WDR20: variants seen among roughly 807,000 people sequenced by gnomAD.
WDR20 encodes WD repeat domain 20.
WDR20 carries 3 observed loss-of-function variants against 38.7 expected under a neutral mutation model. The observed-to-expected ratio is 0.08, with a 90% CI of 0.04 to 0.20. WDR20 has a LOEUF of 0.20. WDR20 is among the 10% of genes least tolerant of loss of function. The pLI is 1.00. For missense variants in WDR20, 559 were observed against 727.7 expected, an observed-to-expected ratio of 0.77 and a Z score of 2.67; for synonymous variants, 298 against 285.6, an observed-to-expected ratio of 1.04 and a Z score of -0.44.
At chr14:102,182,104 A>G (rs1419594870) in intron 1 of WDR20, among the ~76,000 whole-genome samples, 4 of 152,338 alleles carry the variant, frequency 2.6e-5, no homozygotes, top group African/African-American at 9.6e-5. Context: ...GAATCTTTAG[A>G]AGACTGTAAA....
downstream of WDR20, among the ~76,000 whole-genome samples, chr14:102,219,392 C>A (rs1007242962): frequency 6.6e-6 from 1 of 152,210 alleles, no homozygotes; most frequent in African/African-American, 2.4e-5. Flanking sequence ...CCCTGCCACC[C>A]GGAGTGCTGT....
At chr14:102,197,652 C>G in intron 2 of WDR20, 1 of 589,020 alleles carries the variant, frequency 1.7e-6, no homozygotes, top group Non-Finnish European at 3.1e-6. Context: ...TTATAAAAGC[C>G]TTTTCATGTC....
intron 2 of WDR20, among the ~76,000 whole-genome samples, chr14:102,203,763 G>T (rs2060963606): frequency 6.6e-6 from 1 of 152,020 alleles, no homozygotes; most frequent in South Asian, 2.1e-4. Context: ...CATTGACATT[G>T]GAGAGAATTC....
At chr14:102,142,519 T>C (rs900461673) in intron 1 of WDR20, among the ~76,000 whole-genome samples, 1 of 152,106 alleles carries the variant, frequency 6.6e-6, no homozygotes, top group Non-Finnish European at 1.5e-5. Flanking sequence ...GGTGGCGTGC[T>C]CATCGTTCAC....
chr14:102,150,829 T>C (rs2055532846), intron 1 of WDR20, among the ~76,000 whole-genome samples: 1 of 152,194 alleles, frequency 6.6e-6, no homozygotes, highest in Non-Finnish European at 1.5e-5. Context: ...ATTCACACAC[T>C]CATTCTAAGA....
At chr14:102,165,891 C>T (rs190049555) in intron 1 of WDR20, among the ~76,000 whole-genome samples, 11 of 152,176 alleles carry the variant, frequency 7.2e-5, no homozygotes, top group East Asian at 3.9e-4. Context: ...CTGCCTGCCT[C>T]GGCCTCCTGA....
downstream of WDR20, chr14:102,213,894 G>GT: frequency 2.0e-6 from 2 of 985,422 alleles, no homozygotes; most frequent in Non-Finnish European, 2.4e-6. Context: ...CACATCATGC[G>GT]TGTCTGACTG....
chr14:102,222,698 G>T lies in WDR20; in HGVS notation c.1693-132G>T. 3.4e-6 allele frequency: 3 copies of T among 869,596 alleles called. No homozygotes were observed. In the South Asian group the frequency reaches 4.3e-5, roughly 13 times the overall value. The allele number at this position is 869,596 out of a possible 1,614,324, so 53.9% of individuals were successfully genotyped here. On this transcript the variant is annotated intron_variant, in intron 3 of 3. Coordinates refer to the WDR20 transcript ENST00000335263. The surrounding 1 kb of genome is among the most constrained non-coding windows in gnomAD (Gnocchi z 4.4). ...AGGAATTAAATAGATGAAGTGGAGG[G>T]TTTGCTCCCACACTGGCTTCCACAT...
downstream of WDR20, chr14:102,210,542 TTTGA>T (rs2062345960): frequency 1.0e-6 from 1 of 985,460 alleles, no homozygotes; most frequent in South Asian, 4.7e-5. Flanking sequence ...TTTGTAGCAC[TTTGA>T]TTGAGGTTCT....
Position 102,184,309 on chromosome 14 carries a change from T to C in WDR20, c.250-10629T>C, listed in dbSNP as rs923929503. ...TTCCGTGGAGTACAGCATCAGAGAA[T>C]GAAGAGCTGGTAAAGATGTTGCAGT... On this transcript the variant is annotated intron_variant, in intron 1 of 2. Coordinates refer to ENST00000342702, the MANE Select transcript of WDR20 (RefSeq NM_144574.4). Among the ~76,000 whole-genome samples, 11 of 152,242 alleles carry C rather than the reference T, an allele frequency of 7.2e-5. No individual in the cohort carries two copies. In the East Asian group the frequency reaches 2.1e-3, roughly 29 times the overall value.
chr14:102,194,811 C>A, intron 1 of WDR20, 127 bp from the exon 2 acceptor site: 2 of 1,070,810 alleles, frequency 1.9e-6, no homozygotes, highest in Non-Finnish European at 2.7e-6. Flanking sequence ...TAAGTCACAA[C>A]TGAAAAAACA....
chr14:102,176,646 T>TA (rs1292104851), intron 1 of WDR20, among the ~76,000 whole-genome samples: 2 of 152,104 alleles, frequency 1.3e-5, no homozygotes, highest in African/African-American at 4.8e-5. Flanking sequence ...TTTCTGGTTT[T>TA]GGGTATTAGG....
Position 102,209,636 on chromosome 14 carries a change from G to A in WDR20, c.1466G>A (p.Ser489Asn). The A allele has an allele frequency of 1.9e-6, 3 of 1,614,200 alleles. No individual in the cohort carries two copies. The highest frequency in any genetic ancestry group is 2.2e-5 in the South Asian group (2 of 91,082). Residue 489 changes from serine (S) to asparagine (N), a missense_variant, in exon 3 of 3, where the codon AGC (serine) becomes AAC (asparagine). Transcript: ENST00000342702. The surrounding 1 kb of genome is among the most constrained non-coding windows in gnomAD (Gnocchi z 6.0). ...KRNHSMGHIS[S>N]KSSDKLNLVT... ...AATCATAGCATGGGACACATTTCTA[G>A]CAAGAGCAGTGACAAACTGAATCTA...
At position 102,210,239 on chromosome 14, in the gene WDR20, A is replaced by T; in HGVS notation, c.*359A>T. ...AAATTAAAATTTATGCTTTAACTGG[A>T]ATATTTTTTGCTTAACTACTCAATT... On this transcript the variant is annotated 3_prime_UTR_variant, in exon 3 of 3. Coordinates refer to ENST00000342702, the MANE Select transcript of WDR20 (RefSeq NM_144574.4). 9.8e-7 allele frequency: 1 copy of T among 1,017,060 alleles called. No individual in the cohort carries two copies. Among genetic ancestry groups the T allele is most frequent in the Non-Finnish European group, 1.2e-6 (1 of 849,516 alleles). The allele number at this position is 1,017,060 out of a possible 1,614,324, so 63.0% of individuals were successfully genotyped here.
intron 1 of WDR20, among the ~76,000 whole-genome samples, chr14:102,161,316 ATT>A (rs760892097): frequency 8.3e-5 from 11 of 132,524 alleles, no homozygotes; most frequent in Non-Finnish European, 1.1e-4. Flanking sequence ...ATGCTCAGCT[ATT>A]TTTTTTTTTT....
chr14:102,195,737 G>C (rs2059303424), intron 2 of WDR20: 1 of 152,320 alleles, frequency 6.6e-6, no homozygotes. Flanking sequence ...TGAGCTGTCT[G>C]TTCAGGAACA....
chr14:102,218,349 G>T (rs1036561734), downstream of WDR20, among the ~76,000 whole-genome samples: 1 of 152,164 alleles, frequency 6.6e-6, no homozygotes, highest in Admixed American at 6.5e-5. Context: ...GCCAGGGGTC[G>T]TGGGGGTCAG....
intron 2 of WDR20, among the ~76,000 whole-genome samples, 162 bp downstream of exon 2, chr14:102,195,282 T>C (rs1290851797): frequency 6.6e-6 from 1 of 152,194 alleles, no homozygotes; most frequent in Non-Finnish European, 1.5e-5. Flanking sequence ...GATTAATTTG[T>C]TGACCTTACC....
intron 1 of WDR20, among the ~76,000 whole-genome samples, chr14:102,185,005 G>A (rs1204962464): frequency 6.6e-6 from 1 of 152,046 alleles, no homozygotes; most frequent in Non-Finnish European, 1.5e-5. Flanking sequence ...GAATGAAGGA[G>A]GAATGGAAAC....
Sources: gnomAD v4.1 joint callset for allele counts (sites outside exome capture counted in the v4.1 genomes callset) on GRCh38, gnomAD v4.1.1 for gene constraint, Gnocchi (gnomAD v3.1) non-coding constraint, MANE v1.5 for transcripts, NCBI Gene and HGNC (gene_info 2026-07-23, HGNC 2026-07-21) for gene names.